ZNF746: variants seen among roughly 807,000 people sequenced by gnomAD.
The protein encoded by ZNF746 is parkin-interacting substrate.
Under a neutral mutation model 41.0 loss-of-function variants are expected in ZNF746, and 13 were observed. The ratio of observed to expected loss-of-function variants is 0.32; its 90% confidence interval spans 0.21 to 0.50. ZNF746 has a LOEUF of 0.50. ZNF746 is among the 20% of genes least tolerant of loss of function. ZNF746 has a pLI of 0.98. For missense variants in ZNF746, 811 were observed against 922.9 expected (o/e 0.88, Z 1.57); for synonymous variants, 424 against 396.2 (o/e 1.07, Z -0.83).
At chr7:149,496,472 A>T (rs948309086) in intron 1 of ZNF746, among the ~76,000 whole-genome samples, 9 of 152,188 alleles carry the variant, frequency 5.9e-5, no homozygotes, top group South Asian at 4.1e-4. Context: ...GATGAAGTCC[A>T]GGCATGCAAA....
chr7:149,490,620 T>G (rs538429814), intron 4 of ZNF746: 1 of 152,808 alleles, frequency 6.5e-6, no homozygotes, highest in Non-Finnish European at 1.5e-5. Context: ...CCAGACGGAA[T>G]TGAAGGGACG....
In ZNF746 at chr7:149,476,939, G is replaced by A. The variant is rs756484211; in HGVS notation, c.866C>T (p.Thr289Ile). The A allele has an allele frequency of 2.5e-6, 4 of 1,614,080 alleles. No individual in the cohort carries two copies. The South Asian group carries it at 4.4e-5, about 18-fold the overall frequency. ...ACCTGTACCTTCCGTGGAGGCTGCT[G>A]TGTTGAGCTTCAGGGTCCCGTCCGA... ...ACSDGTLKLN[T>I]AASTEADVKI... The change falls in exon 6 of 7, where the codon ACA (threonine) becomes ATA (isoleucine). Residue 289 changes from threonine (T) to isoleucine (I), a missense_variant. Thr to Ile is a moderately conservative substitution (Grantham distance 89). This residue lies in a region of ZNF746 where 495 missense variants were observed against 481.6 expected (regional missense o/e 1.03). Coordinates refer to ENST00000458143, the MANE Select transcript of ZNF746 (RefSeq NM_001394198.1).
At chr7:149,493,020 G>T in intron 3 of ZNF746, 48 bp from the exon 4 acceptor site, 1 of 1,285,064 alleles carries the variant, frequency 7.8e-7, no homozygotes, top group Non-Finnish European at 1.1e-6. Context: ...AGTCAAAGCT[G>T]GGGACAGTCA....
intron 1 of ZNF746, among the ~76,000 whole-genome samples, chr7:149,495,420 C>T (rs1800963010): frequency 6.6e-6 from 1 of 152,158 alleles, no homozygotes; most frequent in African/African-American, 2.4e-5. Flanking sequence ...CGGGGGCCTT[C>T]CCTGTCATTG....
At chr7:149,487,913 C>A (rs1448858840) in intron 4 of ZNF746, 1 of 151,934 alleles carries the variant, frequency 6.6e-6, no homozygotes, top group African/African-American at 2.4e-5. Context: ...ATACAGATCC[C>A]AAAATTCATA....
At chr7:149,490,231 T>C (rs988866792) in intron 4 of ZNF746, 9 of 152,532 alleles carry the variant, frequency 5.9e-5, no homozygotes, top group African/African-American at 1.9e-4. Context: ...TTCTCAGCTG[T>C]GCACCATACA....
intron 4 of ZNF746, chr7:149,488,874 TCA>T (rs773513405): frequency 9.2e-5 from 14 of 152,210 alleles, no homozygotes; most frequent in Non-Finnish European, 1.8e-4. Flanking sequence ...GCAAGAACGC[TCA>T]CTACAGTATT....
chr7:149,478,108 C>T (rs1439485040), intron 4 of ZNF746, among the ~76,000 whole-genome samples: 2 of 142,042 alleles, frequency 1.4e-5, no homozygotes, highest in African/African-American at 5.1e-5. Context: ...CCCAAGTCCC[C>T]CCAAAACCTT....
chr7:149,474,368 A>T lies in ZNF746; in HGVS notation c.*16T>A, dbSNP rs202188598. The T allele has an allele frequency of 1.9e-6, 3 of 1,594,538 alleles. No individual in the cohort carries two copies. The highest frequency in any genetic ancestry group is 2.6e-6 in the Non-Finnish European group (3 of 1,171,106). ...TTTACACGTGCGGCCGGCAGGGGCT[A>T]TGGGGCTGGAGGCGCTCACATGTCC... is the stretch of plus-strand genomic sequence containing the variant. On this transcript the variant is annotated 3_prime_UTR_variant, in exon 7 of 7. Transcript: ENST00000458143. This position sits in a 1 kb window ranked among gnomAD's most constrained non-coding sequence, Gnocchi z 6.3.
At chr7:149,484,259 C>T (rs1323076899) in intron 4 of ZNF746, among the ~76,000 whole-genome samples, 10 of 152,084 alleles carry the variant, frequency 6.6e-5, no homozygotes, top group African/African-American at 2.4e-4. Flanking sequence ...AATTACAAGC[C>T]CATCTCATCC....
chr7:149,486,167 C>T (rs1800615533), intron 4 of ZNF746, among the ~76,000 whole-genome samples: 1 of 152,036 alleles, frequency 6.6e-6, no homozygotes, highest in Non-Finnish European at 1.5e-5. Context: ...AGTTTTAAAC[C>T]ATAAATTTTA....
intron 4 of ZNF746, chr7:149,487,599 A>G (rs988337592): frequency 3.3e-5 from 5 of 152,242 alleles, no homozygotes; most frequent in Admixed American, 1.3e-4. Flanking sequence ...CCAAGAGAAT[A>G]TAAAGAAACA....
At chr7:149,478,103 GT>G (rs1800373109) in intron 4 of ZNF746, among the ~76,000 whole-genome samples, 1 of 151,846 alleles carries the variant, frequency 6.6e-6, no homozygotes, top group African/African-American at 2.4e-5. Flanking sequence ...TGAACCCCAA[GT>G]CCCCCCAAAA....
At chr7:149,493,347 AAAC>A (rs1800875844) in intron 3 of ZNF746, among the ~76,000 whole-genome samples, 1 of 152,220 alleles carries the variant, frequency 6.6e-6, no homozygotes, top group Non-Finnish European at 1.5e-5. Flanking sequence ...TGTGCTGACG[AAAC>A]AACCTCACGT....
At position 149,474,696 on chromosome 7, in the gene ZNF746, G is replaced by A. The variant is rs1381424506; in HGVS notation, c.1671C>T (p.Thr557=). ...LHTGERPFPC[T]ECEKRFTERS... The stretch of plus-strand genomic sequence containing the variant: ...GTTCGGTGAAGCGCTTCTCACACTC[G>A]GTGCAGGGGAAGGGCCGCTCGCCGG... The change falls in exon 7 of 7, where the codon ACC becomes ACT. Residue 557 remains threonine (T), a synonymous_variant. Transcript: ENST00000458143. This position sits in a 1 kb window ranked among gnomAD's most constrained non-coding sequence, Gnocchi z 6.3. 4 of 1,612,948 alleles carry A rather than the reference G, an allele frequency of 2.5e-6. No homozygotes were observed. The highest frequency in any genetic ancestry group is 3.4e-6 in the Non-Finnish European group (4 of 1,179,746).
chr7:149,496,795 G>A (rs1347648586), intron 1 of ZNF746: 2 of 985,070 alleles, frequency 2.0e-6, no homozygotes, highest in South Asian at 4.7e-5. Context: ...CCACCTGGGC[G>A]CCAGCACTCA....
chr7:149,493,162 AGGGCTGGGG>A (rs1800866827), intron 3 of ZNF746, among the ~76,000 whole-genome samples, 190 bp from the exon 4 acceptor site: 1 of 152,164 alleles, frequency 6.6e-6, no homozygotes, highest in Non-Finnish European at 1.5e-5. Context: ...TGTCATGCCC[AGGGCTGGGG>A]GAGAGGTGAC....
At position 149,495,347 on chromosome 7, in the gene ZNF746, G is replaced by A. The variant is rs1800961321; in HGVS notation, c.25-844C>T. ...GCAGTGACATACCCTGCAGTCTGGT[G>A]AGGAAAGTACATATATGCCACAGTT... On this transcript the variant is annotated intron_variant, in intron 1 of 6. Coordinates refer to ENST00000458143, the MANE Select transcript of ZNF746 (RefSeq NM_001394198.1). Among the ~76,000 whole-genome samples, 2 of 152,236 alleles carry A rather than the reference G, an allele frequency of 1.3e-5. 1 individual carries two copies. The highest frequency in any genetic ancestry group is 4.1e-4 in the South Asian group (2 of 4,832).
At chr7:149,477,523 C>T in intron 5 of ZNF746, 41 bp downstream of exon 5, 1 of 1,556,886 alleles carries the variant, frequency 6.4e-7, no homozygotes. Flanking sequence ...CTCCTGTGAT[C>T]CCTGCAACTT....
Sources: gnomAD v4.1 joint callset for allele counts (sites outside exome capture counted in the v4.1 genomes callset) on GRCh38, gnomAD v4.1.1 for gene constraint, gnomAD v4.1.1 regional missense constraint, Gnocchi (gnomAD v3.1) non-coding constraint, MANE v1.5 for transcripts, NCBI Gene and HGNC (gene_info 2026-07-23, HGNC 2026-07-21) for gene names.